SLC7A6: variants seen among roughly 807,000 people sequenced by gnomAD.
The protein encoded by SLC7A6 is Y+L amino acid transporter 2.
In SLC7A6, 29 loss-of-function variants were observed where a neutral mutation model predicts 46.6. That is an observed-to-expected ratio of 0.62 (90% CI 0.46 to 0.85). The LOEUF is 0.85. Among genes scored for constraint, SLC7A6 ranks in the 40% least tolerant of loss-of-function variants. The probability of loss-of-function intolerance (pLI) is 0.00; values close to 1 mark genes in which losing one functional copy is unlikely to be tolerated. For synonymous variants in SLC7A6, 276 were observed against 257.3 expected, an observed-to-expected ratio of 1.07 and a Z score of -0.70; for missense variants, 527 against 647.6, an observed-to-expected ratio of 0.81 and a Z score of 2.02.
intron 8 of SLC7A6, among the ~76,000 whole-genome samples, chr16:68,295,905 A>C (rs1376569007): frequency 6.6e-6 from 1 of 152,062 alleles, no homozygotes; most frequent in African/African-American, 2.4e-5. Flanking sequence ...ATTTATTGAC[A>C]TTATTTAGTC....
At chr16:68,293,027 C>T (rs1188278096) in intron 7 of SLC7A6, among the ~76,000 whole-genome samples, 1 of 152,144 alleles carries the variant, frequency 6.6e-6, no homozygotes, top group Non-Finnish European at 1.5e-5. Flanking sequence ...AGAGTTTTGT[C>T]CCGTTCATTC....
intron 3 of SLC7A6, among the ~76,000 whole-genome samples, chr16:68,277,013 A>ACAAAT (rs915050406): frequency 6.6e-6 from 1 of 152,014 alleles, no homozygotes; most frequent in African/African-American, 2.4e-5. Flanking sequence ...ACAAAACAAA[A>ACAAAT]AAAAAACCTC....
chr16:68,301,389 G>C lies in SLC7A6; in HGVS notation c.*4061G>C. ...TGCCTCTTTCCTCCTCACTCAGGCTGTTGTAGTCAGCAGAGCCTAGAATGA... is the reference window on the plus strand; with the variant it reads ...TGCCTCTTTCCTCCTCACTCAGGCTCTTGTAGTCAGCAGAGCCTAGAATGA... On this transcript the variant is annotated 3_prime_UTR_variant, in exon 11 of 11. Transcript: ENST00000219343. The C allele has an allele frequency of 6.2e-7, 1 of 1,614,058 alleles. No individual in the cohort carries two copies. The highest frequency in any genetic ancestry group is 1.7e-5 in the Admixed American group (1 of 60,016).
At chr16:68,293,010 A>G in intron 7 of SLC7A6, among the ~76,000 whole-genome samples, 1 of 152,244 alleles carries the variant, frequency 6.6e-6, no homozygotes, top group East Asian at 1.9e-4. Context: ...AGCATGAAAA[A>G]TAAGAGAGAG....
chr16:68,287,721 A>G lies in SLC7A6; in HGVS notation c.524-25A>G, dbSNP rs781019763. The G allele has an allele frequency of 2.4e-5, 39 of 1,608,094 alleles. No homozygotes were observed. The South Asian group carries it at 4.0e-4, about 16-fold the overall frequency. ...CCTGTGCCCTCAACTCAAGCCTGCCAGTGACTTTGTGGTTTTCCTCCTAGG... is the reference window on the plus strand; with the variant it reads ...CCTGTGCCCTCAACTCAAGCCTGCCGGTGACTTTGTGGTTTTCCTCCTAGG... On this transcript the variant is annotated intron_variant, in intron 3 of 10. Coordinates refer to ENST00000219343, the MANE Select transcript of SLC7A6 (RefSeq NM_003983.6).
intron 2 of SLC7A6, among the ~76,000 whole-genome samples, chr16:68,272,239 C>T (rs1341972813): frequency 6.6e-6 from 1 of 150,984 alleles, no homozygotes; most frequent in Non-Finnish European, 1.5e-5. Context: ...TGTAGTGAAA[C>T]ACTGTCTCTA....
chr16:68,288,286 G>A (rs1317549737), intron 4 of SLC7A6, among the ~76,000 whole-genome samples: 1 of 152,180 alleles, frequency 6.6e-6, no homozygotes, highest in African/African-American at 2.4e-5. Context: ...TGGAAGTGGG[G>A]TATGGAAATG....
intron 3 of SLC7A6, among the ~76,000 whole-genome samples, chr16:68,285,453 G>A (rs1228229241): frequency 3.3e-5 from 5 of 152,120 alleles, no homozygotes; most frequent in Admixed American, 3.3e-4. Flanking sequence ...TGATCATCAG[G>A]GTAGGTCCCT....
chr16:68,266,885 A>G (rs2042542492), intron 2 of SLC7A6, among the ~76,000 whole-genome samples, 164 bp downstream of exon 2: 1 of 152,048 alleles, frequency 6.6e-6, no homozygotes, highest in South Asian at 2.1e-4. Context: ...ATAAAAATAA[A>G]TTATACATTT....
intron 3 of SLC7A6, among the ~76,000 whole-genome samples, chr16:68,281,561 G>A (rs1025174491): frequency 6.6e-6 from 1 of 152,148 alleles, no homozygotes; most frequent in African/African-American, 2.4e-5. Flanking sequence ...GGTGAGGCAG[G>A]GCCACAGGCT....
chr16:68,287,450 C>G (rs2042959705), intron 3 of SLC7A6: 1 of 1,334,552 alleles, frequency 7.5e-7, no homozygotes, highest in Non-Finnish European at 9.8e-7. Context: ...GTGAAATCAC[C>G]CATCCCTGGG....
chr16:68,293,310 G>A (rs556469915), intron 7 of SLC7A6, among the ~76,000 whole-genome samples: 60 of 152,306 alleles, frequency 3.9e-4, no homozygotes, highest in African/African-American at 1.4e-3. Flanking sequence ...TGTAGTCCCA[G>A]CCGCTCGGGA....
At chr16:68,286,661 A>G (rs530038348) in intron 3 of SLC7A6, among the ~76,000 whole-genome samples, 1 of 152,342 alleles carries the variant, frequency 6.6e-6, no homozygotes, top group South Asian at 2.1e-4. Context: ...ATTGTTTAGC[A>G]GGAGCAAAGT....
In SLC7A6 at chr16:68,290,476, C is replaced by A; in HGVS notation, c.730C>A (p.Leu244Ile). ...CCTCTCTCTTGCCCTCTACTCTGCC[C>A]TCTTCTCTTACTCAGGTTGGGACAC... is the stretch of plus-strand genomic sequence containing the variant. ...GNLSLALYSALFSYSGWDTLN... is the reference protein window; with the variant it reads ...GNLSLALYSAIFSYSGWDTLN... The change falls in exon 5 of 11, where the codon CTC becomes ATC. Residue 244 changes from leucine to isoleucine, a missense_variant. Coordinates refer to ENST00000219343, the MANE Select transcript of SLC7A6 (RefSeq NM_003983.6). 6.2e-7 allele frequency: 1 copy of A among 1,614,198 alleles called. No homozygotes were observed. The highest frequency in any genetic ancestry group is 8.5e-7 in the Non-Finnish European group (1 of 1,180,032).
Position 68,298,061 on chromosome 16 carries a change from T to C in SLC7A6, c.*733T>C, listed in dbSNP as rs959733510. 1 of 152,678 alleles carries C rather than the reference T, an allele frequency of 6.5e-6. No individual in the cohort carries two copies. The highest frequency in any genetic ancestry group is 1.9e-4 in the East Asian group (1 of 5,206). 9.5% of individuals were successfully genotyped at this position (152,678 alleles called of 1,614,324 possible). A position where few individuals can be genotyped will look rare whatever the true frequency, so the allele number is the denominator to read the frequency against. On this transcript the variant is annotated 3_prime_UTR_variant, in exon 11 of 11. Transcript: ENST00000219343. ...AACCTTAAAGATTTTTTTACTCACG[T>C]ACCTGTTACACTTTAGCATACAGAT... is the stretch of plus-strand genomic sequence containing the variant.
chr16:68,276,634 T>C (rs1251737160), intron 3 of SLC7A6, among the ~76,000 whole-genome samples: 2 of 152,180 alleles, frequency 1.3e-5, no homozygotes, highest in East Asian at 1.9e-4. Context: ...GTATGTCTGA[T>C]AGGCTTTGGC....
chr16:68,276,554 G>C (rs4783610), intron 3 of SLC7A6, among the ~76,000 whole-genome samples: 104,677 of 152,058 alleles, frequency 0.69, 36,884 homozygotes, highest in African/African-American at 0.85. Flanking sequence ...AAGGGAAAAC[G>C]CTCCATATTC....
Position 68,297,335 on chromosome 16 carries a change from G to C in SLC7A6, c.*7G>C. On this transcript the variant is annotated 3_prime_UTR_variant, in exon 11 of 11. Transcript: ENST00000219343. ...TGAGAGGAAAACTGACTAGAGGTCAGAGGTGGCTTTCTGAGGCCTGGAAGG... is the reference window on the plus strand; with the variant it reads ...TGAGAGGAAAACTGACTAGAGGTCACAGGTGGCTTTCTGAGGCCTGGAAGG... 6.2e-7 allele frequency: 1 copy of C among 1,613,702 alleles called. No homozygotes were observed. The highest frequency in any genetic ancestry group is 1.1e-5 in the South Asian group (1 of 91,040).
At position 68,266,573 on chromosome 16, in the gene SLC7A6, C is replaced by T. The variant is rs969083221; in HGVS notation, c.-165-20C>T. 6.6e-6 allele frequency: 1 copy of T among 151,836 alleles called. No individual in the cohort carries two copies. The highest frequency in any genetic ancestry group is 2.4e-5 in the African/African-American group (1 of 41,330). 9.4% of individuals were successfully genotyped at this position (151,836 alleles called of 1,614,324 possible). ...AAAGAGTTCATTTTTTGATCAGTTC[C>T]CTCCCACTCTTTGTTGCAGAGTTTA... On this transcript the variant is annotated intron_variant, in intron 1 of 10. Coordinates refer to ENST00000219343, the MANE Select transcript of SLC7A6 (RefSeq NM_003983.6).
Sources: gnomAD v4.1 joint callset for allele counts (sites outside exome capture counted in the v4.1 genomes callset) on GRCh38, gnomAD v4.1.1 for gene constraint, MANE v1.5 for transcripts, NCBI Gene and HGNC (gene_info 2026-07-23, HGNC 2026-07-21) for gene names.